Variants in RHBG observed in about 807,000 individuals in gnomAD.
RHBG encodes the protein ammonium transporter Rh type B.
In RHBG, 39 loss-of-function variants were observed where a neutral mutation model predicts 40.1. That is an observed-to-expected ratio of 0.97 (90% CI 0.75 to 1.27). The LOEUF (loss-of-function observed/expected upper bound fraction) is 1.27. RHBG is among the 50% of genes most tolerant of loss of function. RHBG has a pLI of 0.00. For missense variants in RHBG, 549 were observed against 588.1 expected (o/e 0.93, Z 0.69); for synonymous variants, 237 against 252.5 (o/e 0.94, Z 0.58).
chr1:156,384,362 G>T, intron 8 of RHBG, 165 bp from the exon 9 acceptor site: 1 of 729,100 alleles, frequency 1.4e-6, no homozygotes. Context: ...TTTGCACAGG[G>T]CCTGGCACAT....
chr1:156,382,090 A>G lies in RHBG; in HGVS notation c.1001A>G (p.Lys334Arg). Reference sequence around the variant, plus strand: ...CAGCCCATCCTTGAATCAAAATTCAAAGTCCAAGACACATGTGGAGTCCAC... The same window carrying G: ...CAGCCCATCCTTGAATCAAAATTCAGAGTCCAAGACACATGTGGAGTCCAC... Reference protein sequence around the residue: ...FFTPILESKFKVQDTCGVHNL... With the variant: ...FFTPILESKFRVQDTCGVHNL... Residue 334 changes from lysine to arginine, a missense_variant, in exon 7 of 10, where the codon AAA (lysine) becomes AGA (arginine). Coordinates refer to ENST00000537040, the MANE Select transcript of RHBG (RefSeq NM_020407.5). 2 of 1,610,062 alleles carry G rather than the reference A, an allele frequency of 1.2e-6. No individual in the cohort carries two copies. The highest frequency in any genetic ancestry group is 1.7e-6 in the Non-Finnish European group (2 of 1,176,944).
At chr1:156,373,982 T>C (rs992468592) in intron 1 of RHBG, among the ~76,000 whole-genome samples, 1 of 152,154 alleles carries the variant, frequency 6.6e-6, no homozygotes, top group African/African-American at 2.4e-5. Flanking sequence ...CTCCTCCTGT[T>C]TGAGATGATA....
In RHBG at chr1:156,382,656, G is replaced by T. The variant is rs954916; in HGVS notation, c.1113-92G>T. The T allele has an allele frequency of 0.27, 404,887 of 1,489,978 alleles. 55,959 individuals are homozygous for T. Among genetic ancestry groups the T allele is most frequent in the East Asian group, 0.35 (15,431 of 43,942 alleles). 92.3% of individuals were successfully genotyped at this position (1,489,978 alleles called of 1,614,324 possible). ...CCTCTTGGCCACTTCCTGTTCCCCA[G>T]TGTGAGTTCCAGTGCCATGAGCAGC... On this transcript the variant is annotated intron_variant, in intron 7 of 9. Coordinates refer to ENST00000537040, the MANE Select transcript of RHBG (RefSeq NM_020407.5).
At position 156,369,348 on chromosome 1, in the gene RHBG, T is replaced by G. The variant is rs927323397; in HGVS notation, c.99T>G (p.Phe33Leu). The G allele has an allele frequency of 6.2e-7, 1 of 1,614,102 alleles. No homozygotes were observed. The highest frequency in any genetic ancestry group is 1.1e-5 in the South Asian group (1 of 91,092). Residue 33 changes from phenylalanine to leucine, a missense_variant, in exon 1 of 10, where the codon TTT (phenylalanine) becomes TTG (leucine). Physicochemically the swap from Phe to Leu is conservative, Grantham distance 22. This residue lies in a region of RHBG where 99 missense variants were observed against 85.2 expected (regional missense o/e 1.16). Coordinates refer to ENST00000537040, the MANE Select transcript of RHBG (RefSeq NM_020407.5). Reference sequence around the variant, plus strand: ...CCACTGCCGTCCTCTTTGCTGTCTTTGTCCGCTACAACCACAAAACCGACG... The same window carrying G: ...CCACTGCCGTCCTCTTTGCTGTCTTGGTCCGCTACAACCACAAAACCGACG... ...QGATAVLFAV[F>L]VRYNHKTDAA...
At chr1:156,381,302 G>A in intron 4 of RHBG, 45 bp from the exon 5 acceptor site, 3 of 1,601,308 alleles carry the variant, frequency 1.9e-6, no homozygotes, top group East Asian at 2.2e-5. Context: ...CCTTGCGTGG[G>A]AGTCACTTCC....
At chr1:156,369,528 A>C (rs1447919163) in intron 1 of RHBG, 92 bp downstream of exon 1, 1 of 1,350,562 alleles carries the variant, frequency 7.4e-7, no homozygotes, top group Non-Finnish European at 1.0e-6. Flanking sequence ...GGGTGCCCGC[A>C]TTTAGCTGGG....
chr1:156,381,880 T>G lies in RHBG; in HGVS notation c.915T>G (p.Phe305Leu). The G allele has an allele frequency of 1.2e-6, 2 of 1,607,116 alleles. No individual in the cohort carries two copies. Among genetic ancestry groups the G allele is most frequent in the Non-Finnish European group, 1.7e-6 (2 of 1,178,572 alleles). ...CAAGTGAAATGATGCTGACACCCTT[T>G]GGGGCTCTGGCAGCTGGCTTCTTGG... ...GTSSEMMLTPFGALAAGFLAG... is the reference protein window; with the variant it reads ...GTSSEMMLTPLGALAAGFLAG... Residue 305 changes from phenylalanine (F) to leucine (L), a missense_variant, in exon 6 of 10, where the codon TTT (phenylalanine) becomes TTG (leucine). Physicochemically the swap from Phe to Leu is conservative, Grantham distance 22. Coordinates refer to ENST00000537040, the MANE Select transcript of RHBG (RefSeq NM_020407.5).
At chr1:156,382,421 GTTAC>G (rs2101804349) in intron 7 of RHBG, 3 of 648,860 alleles carry the variant, frequency 4.6e-6, no homozygotes, top group African/African-American at 1.8e-5. Context: ...CTTCAAGAGT[GTTAC>G]TTGTTACTGA....
intron 1 of RHBG, among the ~76,000 whole-genome samples, chr1:156,370,935 T>C (rs937661477): frequency 2.2e-5 from 3 of 137,050 alleles, no homozygotes; most frequent in Admixed American, 7.8e-5. Context: ...CCTTCAAAGG[T>C]TGGGGACCCT....
At position 156,374,486 on chromosome 1, in the gene RHBG, C is replaced by A. The variant is rs148311276; in HGVS notation, c.188-2815C>A. On this transcript the variant is annotated intron_variant, in intron 1 of 9. Coordinates refer to ENST00000537040, the MANE Select transcript of RHBG (RefSeq NM_020407.5). The stretch of plus-strand genomic sequence containing the variant: ...GAGAGCAACTTTTTTTTAGCTTCCA[C>A]ATATGAGTGAGAACATGCGGTGTTT... 91 of 317,308 alleles carry A rather than the reference C, an allele frequency of 2.9e-4. 1 individual carries two copies. The highest frequency in any genetic ancestry group is 2.0e-3 in the African/African-American group (89 of 43,688). The allele number at this position is 317,308 out of a possible 1,614,324, so 19.7% of individuals were successfully genotyped here. A position where few individuals can be genotyped will look rare whatever the true frequency, so the allele number is the denominator to read the frequency against.
At chr1:156,379,946 C>T (rs1667500163) in intron 4 of RHBG, among the ~76,000 whole-genome samples, 2 of 152,086 alleles carry the variant, frequency 1.3e-5, no homozygotes. Context: ...TGCACAGGCC[C>T]AGCCCATTCA....
intron 1 of RHBG, among the ~76,000 whole-genome samples, chr1:156,372,981 T>C (rs1426268827): frequency 6.6e-6 from 1 of 152,188 alleles, no homozygotes; most frequent in Admixed American, 6.5e-5. Flanking sequence ...AATCGAGCTC[T>C]GCTAGATGCA....
In RHBG at chr1:156,382,064, C is replaced by G. The variant is rs781454878; in HGVS notation, c.979-4C>G. Reference sequence around the variant, plus strand: ...GGAGACTCATGATCTGTCTTGCCCTCCAGCCCATCCTTGAATCAAAATTCA... The same window carrying G: ...GGAGACTCATGATCTGTCTTGCCCTGCAGCCCATCCTTGAATCAAAATTCA... On this transcript the variant is annotated splice_region_variant and splice_polypyrimidine_tract_variant and intron_variant, in intron 6 of 9. Coordinates refer to ENST00000537040, the MANE Select transcript of RHBG (RefSeq NM_020407.5). The G allele has an allele frequency of 2.4e-5, 39 of 1,610,318 alleles. No individual in the cohort carries two copies. The South Asian group carries it at 4.3e-4, about 18-fold the overall frequency.
chr1:156,377,879 C>G lies in RHBG; in HGVS notation c.375-111C>G. 2 of 1,189,804 alleles carry G rather than the reference C, an allele frequency of 1.7e-6. No homozygotes were observed. The highest frequency in any genetic ancestry group is 4.1e-4 in the Middle Eastern group (2 of 4,878). 73.7% of individuals were successfully genotyped at this position (1,189,804 alleles called of 1,614,324 possible). On this transcript the variant is annotated intron_variant, in intron 2 of 9. Transcript: ENST00000537040. The surrounding 1 kb of genome is among the most constrained non-coding windows in gnomAD (Gnocchi z 4.6). ...AGCTCCTTGTCTTCTCTCCAGAACT[C>G]CAACCCCACCCCACCCACCACATCA...
Position 156,369,281 on chromosome 1 carries a change from G to A in RHBG, c.32G>A (p.Arg11Gln). The A allele has an allele frequency of 6.2e-7, 1 of 1,613,688 alleles. No homozygotes were observed. The highest frequency in any genetic ancestry group is 1.1e-5 in the South Asian group (1 of 91,052). The part of the protein sequence containing the change: MAGSPSRAAG[R>Q]RLQLPLLCLF... ...GGGTCTCCTAGCCGCGCCGCGGGCC[G>A]GCGACTGCAGCTTCCCCTGCTGTGC... Residue 11 changes from arginine (R) to glutamine (Q), a missense_variant, in exon 1 of 10, where the codon CGG becomes CAG. By Grantham distance (43) the Arg-to-Gln change is conservative (BLOSUM62 1). Around this residue, in one of 3 missense-constraint regions of RHBG, gnomAD observed 99 missense variants for 85.2 expected, o/e 1.16. Coordinates refer to ENST00000537040, the MANE Select transcript of RHBG (RefSeq NM_020407.5).
At chr1:156,379,244 C>T (rs2842849) in intron 4 of RHBG, among the ~76,000 whole-genome samples, 54,541 of 151,738 alleles carry the variant, frequency 0.36, 10,627 homozygotes, top group Non-Finnish European at 0.45. Flanking sequence ...GATCCACCCA[C>T]CTCGGCCTCC....
intron 4 of RHBG, among the ~76,000 whole-genome samples, chr1:156,380,235 T>A (rs1667526329): frequency 6.6e-6 from 1 of 150,658 alleles, no homozygotes; most frequent in Non-Finnish European, 1.5e-5. Flanking sequence ...CTCAGCCTCC[T>A]GAGGAGCTGG....
intron 1 of RHBG, among the ~76,000 whole-genome samples, chr1:156,372,339 T>G (rs544180827): frequency 3.3e-5 from 5 of 152,198 alleles, no homozygotes; most frequent in Admixed American, 1.3e-4. Flanking sequence ...ATCTGTGGCC[T>G]TCCCCCTACA....
intron 1 of RHBG, among the ~76,000 whole-genome samples, chr1:156,372,082 A>G (rs1666896706): frequency 6.6e-6 from 1 of 152,194 alleles, no homozygotes; most frequent in African/African-American, 2.4e-5. Context: ...AGGGAGGTGC[A>G]GCCACTGCCC....
Sources: gnomAD v4.1 joint callset for allele counts (sites outside exome capture counted in the v4.1 genomes callset) on GRCh38, gnomAD v4.1.1 for gene constraint, gnomAD v4.1.1 regional missense constraint, Gnocchi (gnomAD v3.1) non-coding constraint, MANE v1.5 for transcripts, NCBI Gene and HGNC (gene_info 2026-07-23, HGNC 2026-07-21) for gene names.